The following GRIN2B variants were observed in gnomAD, a reference collection of about 807,000 sequenced individuals.
The protein encoded by GRIN2B is glutamate receptor ionotropic, NMDA 2B.
A neutral mutation model predicts 114.5 loss-of-function variants in GRIN2B; 5 were observed. The ratio of observed to expected loss-of-function variants is 0.04; its 90% CI spans 0.02 to 0.09. The LOEUF is 0.09. Among genes scored for constraint, GRIN2B ranks in the 10% least tolerant of loss-of-function variants. The pLI is 1.00. For missense variants in GRIN2B, 1,108 were observed against 1,943.5 expected (o/e 0.57, Z 8.08); for synonymous variants, 787 against 745.1 (o/e 1.06, Z -0.92).
Position 13,846,767 on chromosome 12 carries a change from A to G in GRIN2B, c.411+19031T>C, listed in dbSNP as rs374959756. On this transcript the variant is annotated intron_variant, in intron 3 of 13. Coordinates refer to ENST00000609686, the MANE Select transcript of GRIN2B (RefSeq NM_000834.5). ...GCAGTAAAAATTCAGTGAGGTGATG[A>G]TAAATGAGAAAGTTGGAGAGTGAAA... Among the ~76,000 whole-genome samples, 69 of 152,364 alleles carry G rather than the reference A, an allele frequency of 4.5e-4. 2 individuals are homozygous for G. In the South Asian group the frequency reaches 0.013, roughly 29 times the overall value.
intron 2 of GRIN2B, among the ~76,000 whole-genome samples, chr12:13,947,836 G>T (rs1300462417): frequency 6.6e-6 from 1 of 152,132 alleles, no homozygotes; most frequent in Non-Finnish European, 1.5e-5. Context: ...GGCATGAGTT[G>T]TTCTCCAACT....
Position 13,562,494 on chromosome 12 carries a change from T to C in GRIN2B, c.*289A>G. On this transcript the variant is annotated 3_prime_UTR_variant, in exon 14 of 14. Transcript: ENST00000609686. ...GGAAGCCCGCATGCAGCCCTTCCTT[T>C]CTCCGCTCTACCCTCCCCTGCTGAG... 2.4e-6 allele frequency: 1 copy of C among 410,186 alleles called. No individual in the cohort carries two copies. The highest frequency in any genetic ancestry group is 4.4e-6 in the Non-Finnish European group (1 of 226,882). The allele number at this position is 410,186 out of a possible 1,614,324, so 25.4% of individuals were successfully genotyped here. A position where few individuals can be genotyped will look rare whatever the true frequency, so the allele number is the denominator to read the frequency against.
Position 13,615,514 on chromosome 12 carries a change from G to C in GRIN2B, c.1479C>G (p.Thr493=), listed in dbSNP as rs202139349. 87 of 1,613,502 alleles carry C rather than the reference G, an allele frequency of 5.4e-5. No individual in the cohort carries two copies. The South Asian group carries it at 9.6e-4, about 18-fold the overall frequency. Residue 493 remains threonine, a synonymous_variant, in exon 7 of 14, where the codon ACC becomes ACG. Transcript: ENST00000609686. This position sits in a 1 kb window ranked among gnomAD's most constrained non-coding sequence, Gnocchi z 5.8. The part of the protein sequence containing the change: ...NGKHGKKING[T]WNGMIGEVVM... ...TCACCTCTCCAATCATACCATTCCA[G>C]GTTCCATTGATTTTCTTCCCATGCT... is the stretch of plus-strand genomic sequence containing the variant.
intron 5 of GRIN2B, among the ~76,000 whole-genome samples, chr12:13,649,584 C>G (rs377093068): frequency 6.3e-4 from 96 of 152,008 alleles, no homozygotes; most frequent in Non-Finnish European, 9.0e-4. Context: ...GACAGCATTT[C>G]CCAAGTTAAC....
intron 3 of GRIN2B, among the ~76,000 whole-genome samples, chr12:13,838,506 T>C (rs1020564839): frequency 6.6e-6 from 1 of 152,200 alleles, no homozygotes; most frequent in African/African-American, 2.4e-5. Context: ...TTTTATCACA[T>C]TACTTCAATG....
At chr12:13,710,676 C>T (rs11055599) in intron 4 of GRIN2B, among the ~76,000 whole-genome samples, 16,858 of 151,762 alleles carry the variant, frequency 0.11, 1,180 homozygotes, top group African/African-American at 0.19. Context: ...TTACAAGGGA[C>T]GTGAAGGACC....
intron 5 of GRIN2B, among the ~76,000 whole-genome samples, chr12:13,645,636 C>A (rs922987723): frequency 2.0e-5 from 3 of 151,820 alleles, no homozygotes; most frequent in Admixed American, 1.3e-4. Context: ...CTAATTTCTT[C>A]AGAGAAATAA....
chr12:13,957,411 A>G (rs1333902885), intron 2 of GRIN2B, among the ~76,000 whole-genome samples: 1 of 152,176 alleles, frequency 6.6e-6, no homozygotes, highest in African/African-American at 2.4e-5. Context: ...ATAAAGCACT[A>G]CTGAGGTATC....
intron 2 of GRIN2B, among the ~76,000 whole-genome samples, chr12:13,944,057 T>C (rs926992263): frequency 6.6e-6 from 1 of 152,196 alleles, no homozygotes; most frequent in Non-Finnish European, 1.5e-5. Flanking sequence ...TAAGTTTCAT[T>C]TGTAAAACAA....
At chr12:13,809,328 A>G (rs1864682574) in intron 3 of GRIN2B, among the ~76,000 whole-genome samples, 1 of 152,192 alleles carries the variant, frequency 6.6e-6, no homozygotes, top group Non-Finnish European at 1.5e-5. Context: ...CCAAGAGGCT[A>G]TGATCAAGTC....
chr12:13,936,385 A>G (rs1867131097), intron 2 of GRIN2B, among the ~76,000 whole-genome samples: 1 of 152,090 alleles, frequency 6.6e-6, no homozygotes, highest in Non-Finnish European at 1.5e-5. Flanking sequence ...CCAAAATAAG[A>G]CCTACTATAG....
At position 13,544,568 on chromosome 12, in the gene GRIN2B, C is replaced by T. The variant is rs115311842; in HGVS notation, c.*18215G>A. 94 of 152,262 alleles carry T rather than the reference C, an allele frequency of 6.2e-4. No individual in the cohort carries two copies. Among genetic ancestry groups the T allele is most frequent in the African/African-American group, 2.2e-3 (92 of 41,552 alleles). The allele number at this position is 152,262 out of a possible 1,614,324, so 9.4% of individuals were successfully genotyped here. On this transcript the variant is annotated 3_prime_UTR_variant, in exon 14 of 14. Coordinates refer to ENST00000609686, the MANE Select transcript of GRIN2B (RefSeq NM_000834.5). ...TTCTACTTGCAACATCTGTAGACAC[C>T]TTAAACTATAAGGCTTTCCTTCCCA...
intron 11 of GRIN2B, among the ~76,000 whole-genome samples, chr12:13,570,241 A>C (rs933075670): frequency 1.3e-5 from 2 of 152,206 alleles, no homozygotes; most frequent in Non-Finnish European, 2.9e-5. Context: ...ACTGGGAATG[A>C]TGAGAATGTA....
chr12:13,750,708 C>G (rs1334596771), intron 4 of GRIN2B, among the ~76,000 whole-genome samples: 1 of 152,164 alleles, frequency 6.6e-6, no homozygotes, highest in African/African-American at 2.4e-5. Context: ...CTTGCAAGAA[C>G]AGAGCAGAAC....
chr12:13,890,778 C>T (rs1866246090), intron 2 of GRIN2B, among the ~76,000 whole-genome samples: 1 of 152,102 alleles, frequency 6.6e-6, no homozygotes, highest in Non-Finnish European at 1.5e-5. Flanking sequence ...AATTCCTGGT[C>T]TGCAGTCTGG....
intron 3 of GRIN2B, among the ~76,000 whole-genome samples, chr12:13,835,976 G>A (rs541050194): frequency 1.3e-5 from 2 of 152,268 alleles, no homozygotes; most frequent in East Asian, 3.9e-4. Flanking sequence ...CCTGAAGCCT[G>A]CTGAGGGCCA....
chr12:13,819,292 G>A (rs1663278522), intron 3 of GRIN2B, among the ~76,000 whole-genome samples: 1 of 152,066 alleles, frequency 6.6e-6, no homozygotes, highest in African/African-American at 2.4e-5. Flanking sequence ...TCCAAACTTT[G>A]AGAAAATATA....
In GRIN2B at chr12:13,557,715, C is replaced by T. The variant is rs1948492278; in HGVS notation, c.*5068G>A. The T allele has an allele frequency of 1.3e-5, 2 of 152,210 alleles. No homozygotes were observed. The highest frequency in any genetic ancestry group is 4.1e-4 in the South Asian group (2 of 4,832). 9.4% of individuals were successfully genotyped at this position (152,210 alleles called of 1,614,324 possible). ...GGAGGCCAAAATATGGTTTAAATGT[C>T]TTTGCCATCTAGAACCTGTATCCTT... is the stretch of plus-strand genomic sequence containing the variant. On this transcript the variant is annotated 3_prime_UTR_variant, in exon 14 of 14. Transcript: ENST00000609686.
intron 5 of GRIN2B, among the ~76,000 whole-genome samples, chr12:13,645,107 A>G (rs984538645): frequency 5.3e-5 from 8 of 152,100 alleles, no homozygotes; most frequent in African/African-American, 1.9e-4. Context: ...CAGCCTTTCT[A>G]GGTTTTCCAT....
Sources: allele counts gnomAD v4.1 joint callset (sites outside exome capture counted in the v4.1 genomes callset), GRCh38; gene constraint gnomAD v4.1.1; non-coding constraint Gnocchi (gnomAD v3.1); transcripts MANE v1.5; gene names NCBI Gene and HGNC (gene_info 2026-07-23, HGNC 2026-07-21).